The following AUTS2 variants were observed in gnomAD, a reference collection of about 807,000 sequenced individuals.
AUTS2 encodes autism susceptibility gene 2 protein.
In AUTS2, 17 loss-of-function variants were observed where a neutral mutation model predicts 112.4. That is an observed-to-expected ratio of 0.15 (90% CI 0.10 to 0.23). The LOEUF is 0.23. AUTS2 is among the 10% of genes least tolerant of loss of function. The pLI is 1.00. For synonymous variants in AUTS2, 751 were observed against 702.7 expected, an observed-to-expected ratio of 1.07 and a Z score of -1.09; for missense variants, 1,510 against 1,701.6, an observed-to-expected ratio of 0.89 and a Z score of 1.98.
intron 5 of AUTS2, among the ~76,000 whole-genome samples, chr7:70,696,009 C>T (rs1355544161): frequency 6.6e-6 from 1 of 151,236 alleles, no homozygotes; most frequent in Non-Finnish European, 1.5e-5. Flanking sequence ...CGCCGCTTTT[C>T]CATTTGAATA....
intron 2 of AUTS2, among the ~76,000 whole-genome samples, chr7:69,998,237 G>C (rs958344528): frequency 1.3e-5 from 2 of 152,040 alleles, no homozygotes; most frequent in African/African-American, 4.8e-5. Flanking sequence ...TCCACAGATG[G>C]GGTCTTGTTA....
chr7:70,315,214 G>T (rs1033805362), intron 4 of AUTS2, among the ~76,000 whole-genome samples: 6 of 152,040 alleles, frequency 3.9e-5, no homozygotes, highest in African/African-American at 1.2e-4. Context: ...GCCACTCCTT[G>T]TTCCCATCCT....
chr7:70,068,750 T>G (rs1202233958), intron 2 of AUTS2, among the ~76,000 whole-genome samples: 2 of 152,192 alleles, frequency 1.3e-5, no homozygotes, highest in Non-Finnish European at 2.9e-5. Context: ...TCCTCAGATC[T>G]TTGGCTGACA....
intron 1 of AUTS2, among the ~76,000 whole-genome samples, chr7:69,726,574 A>C (rs1786526711): frequency 6.6e-6 from 1 of 151,638 alleles, no homozygotes; most frequent in South Asian, 2.1e-4. Flanking sequence ...TAATTGTGGA[A>C]TTTTGTTATA....
At chr7:69,892,167 A>G (rs1370168336) in intron 1 of AUTS2, among the ~76,000 whole-genome samples, 1 of 129,028 alleles carries the variant, frequency 7.8e-6, no homozygotes, top group African/African-American at 3.0e-5. Flanking sequence ...TTTAGTTTTG[A>G]GAATTTTTTT....
At chr7:69,870,795 G>A (rs1224429342) in intron 1 of AUTS2, among the ~76,000 whole-genome samples, 1 of 152,044 alleles carries the variant, frequency 6.6e-6, no homozygotes, top group Admixed American at 6.6e-5. Context: ...TCTTCTAGGG[G>A]ATCTCTCTCA....
intron 2 of AUTS2, among the ~76,000 whole-genome samples, chr7:69,973,991 A>C (rs1198601685): frequency 1.3e-5 from 2 of 152,116 alleles, no homozygotes; most frequent in African/African-American, 4.8e-5. Context: ...GATTATGTAT[A>C]ATTGGTTTTC....
chr7:70,062,341 T>G (rs113265749), intron 2 of AUTS2, among the ~76,000 whole-genome samples: 16,076 of 151,490 alleles, frequency 0.11, 1,283 homozygotes, highest in African/African-American at 0.22. Context: ...GATGAAACCC[T>G]GTCTCTACTA....
chr7:70,353,959 G>A (rs1055081222), intron 4 of AUTS2, among the ~76,000 whole-genome samples: 1 of 152,174 alleles, frequency 6.6e-6, no homozygotes, highest in African/African-American at 2.4e-5. Flanking sequence ...AAATGCCACC[G>A]GTTTTTAATG....
intron 2 of AUTS2, among the ~76,000 whole-genome samples, chr7:69,968,650 A>G (rs1174560311): frequency 1.3e-5 from 2 of 152,122 alleles, no homozygotes; most frequent in Non-Finnish European, 2.9e-5. Flanking sequence ...CCTTGATTTG[A>G]TTGTTGAAAA....
At chr7:70,062,297 T>G (rs777994201) in intron 2 of AUTS2, among the ~76,000 whole-genome samples, 5 of 151,292 alleles carry the variant, frequency 3.3e-5, no homozygotes, top group Admixed American at 6.6e-5. Flanking sequence ...GATCACGAGG[T>G]CAAGAGATCA....
intron 6 of AUTS2, among the ~76,000 whole-genome samples, chr7:70,725,195 T>C (rs1447523598): frequency 6.6e-6 from 1 of 152,222 alleles, no homozygotes; most frequent in Non-Finnish European, 1.5e-5. Flanking sequence ...ACAAATTAAA[T>C]TGGACTTTGA....
chr7:70,133,651 G>A (rs1272624734), intron 3 of AUTS2, among the ~76,000 whole-genome samples: 2 of 152,104 alleles, frequency 1.3e-5, no homozygotes, highest in Admixed American at 1.3e-4. Flanking sequence ...GACCTATTCA[G>A]CATTTGCTTC....
At chr7:70,118,087 C>T in intron 2 of AUTS2, 45 bp from the exon 3 acceptor site, 4 of 1,558,658 alleles carry the variant, frequency 2.6e-6, no homozygotes, top group Non-Finnish European at 1.7e-6. Context: ...AACTAAGAAG[C>T]AGACCACTAA....
At chr7:70,655,024 G>A (rs1806696083) in intron 5 of AUTS2, among the ~76,000 whole-genome samples, 1 of 152,250 alleles carries the variant, frequency 6.6e-6, no homozygotes, top group African/African-American at 2.4e-5. Flanking sequence ...AGTCCCTGGA[G>A]TTTGGACACC....
At chr7:70,438,957 G>A (rs1208174635) in intron 5 of AUTS2, among the ~76,000 whole-genome samples, 3 of 152,206 alleles carry the variant, frequency 2.0e-5, no homozygotes, top group East Asian at 1.9e-4. Flanking sequence ...CTGCAGAACC[G>A]GCAGGCTAAA....
chr7:69,691,230 A>G (rs1482191534), intron 1 of AUTS2, among the ~76,000 whole-genome samples: 1 of 152,168 alleles, frequency 6.6e-6, no homozygotes, highest in Non-Finnish European at 1.5e-5. Context: ...CACGGACTCC[A>G]GCTGGAACTG....
chr7:70,742,984 T>C (rs751097321), intron 6 of AUTS2, among the ~76,000 whole-genome samples: 4 of 152,194 alleles, frequency 2.6e-5, no homozygotes, highest in Non-Finnish European at 5.9e-5. Flanking sequence ...AGCCAGAACT[T>C]GAATCCAGTT....
intron 2 of AUTS2, among the ~76,000 whole-genome samples, chr7:70,038,470 T>C (rs1404121314): frequency 3.9e-5 from 6 of 152,170 alleles, no homozygotes; most frequent in Non-Finnish European, 8.8e-5. Context: ...TTATACCTTA[T>C]ACCCTCTCAT....
Sources: gnomAD v4.1 joint callset for allele counts (sites outside exome capture counted in the v4.1 genomes callset) on GRCh38, gnomAD v4.1.1 for gene constraint, MANE v1.5 for transcripts, NCBI Gene and HGNC (gene_info 2026-07-23, HGNC 2026-07-21) for gene names.